SLC24A3: variants seen among roughly 807,000 people sequenced by gnomAD.
SLC24A3 encodes the protein solute carrier family 24 member 3, also known as sodium/potassium/calcium exchanger 3.
SLC24A3 carries 28 observed loss-of-function variants against 75.8 expected under a neutral mutation model. The ratio of observed to expected loss-of-function variants is 0.37; its 90% CI spans 0.27 to 0.51. The LOEUF (loss-of-function observed/expected upper bound fraction) is 0.51. SLC24A3 is among the 20% of genes least tolerant of loss of function. SLC24A3 has a pLI of 0.94. For missense variants in SLC24A3, 663 were observed against 847.8 expected (o/e 0.78, Z 2.71); for synonymous variants, 372 against 334.1 (o/e 1.11, Z -1.24).
In SLC24A3 at chr20:19,298,991, C is replaced by A. The variant is rs185746732; in HGVS notation, c.271+17904C>A. Among the ~76,000 whole-genome samples the A allele has an allele frequency of 2.9e-3, 438 of 152,268 alleles. 3 individuals are homozygous for A. Among genetic ancestry groups the A allele is most frequent in the African/African-American group, 9.7e-3 (402 of 41,554 alleles). On this transcript the variant is annotated intron_variant, in intron 2 of 16. Transcript: ENST00000328041. ...AAGCAGTCCCCATGGCCGAAGACAG[C>A]CTTCAGGTAAAAGACTGCAGGTGCT...
intron 2 of SLC24A3, among the ~76,000 whole-genome samples, chr20:19,421,869 C>T (rs1986923928): frequency 1.3e-5 from 2 of 152,184 alleles, no homozygotes; most frequent in Admixed American, 1.3e-4. Flanking sequence ...GCCTCCACCC[C>T]AGTGGCACAG....
intron 6 of SLC24A3, 70 bp from the exon 7 acceptor site, chr20:19,653,992 C>T (rs2032236407): frequency 3.7e-6 from 5 of 1,363,554 alleles, no homozygotes; most frequent in Admixed American, 1.8e-5. Flanking sequence ...GCTGGCTAAA[C>T]CTGCAAGAGT....
intron 6 of SLC24A3, among the ~76,000 whole-genome samples, chr20:19,647,253 C>A (rs968969231): frequency 6.6e-6 from 1 of 152,156 alleles, no homozygotes; most frequent in Non-Finnish European, 1.5e-5. Flanking sequence ...TTCCTTCCAC[C>A]GCCTGCCTCA....
At chr20:19,381,877 T>TA (rs1166010443) in intron 2 of SLC24A3, among the ~76,000 whole-genome samples, 5 of 152,170 alleles carry the variant, frequency 3.3e-5, no homozygotes, top group Admixed American at 6.5e-5. Context: ...ACATGGTGAC[T>TA]GGAGGGGCAG....
At chr20:19,571,694 C>T (rs773671456) in intron 3 of SLC24A3, among the ~76,000 whole-genome samples, 4 of 152,142 alleles carry the variant, frequency 2.6e-5, no homozygotes, top group Non-Finnish European at 5.9e-5. Context: ...CACATATGCT[C>T]GTTTCCCTTG....
intron 2 of SLC24A3, among the ~76,000 whole-genome samples, chr20:19,417,928 T>G (rs753787456): frequency 6.6e-6 from 1 of 151,774 alleles, no homozygotes; most frequent in Non-Finnish European, 1.5e-5. Flanking sequence ...GTTGGAGGAG[T>G]GGAGGAGTCC....
chr20:19,282,505 G>T (rs1357278278), intron 2 of SLC24A3, among the ~76,000 whole-genome samples: 4 of 152,250 alleles, frequency 2.6e-5, no homozygotes, highest in African/African-American at 9.6e-5. Context: ...TGAACCACGT[G>T]TACTTTAAGA....
chr20:19,536,261 G>T (rs1204869764), intron 3 of SLC24A3, among the ~76,000 whole-genome samples: 1 of 152,124 alleles, frequency 6.6e-6, no homozygotes, highest in Non-Finnish European at 1.5e-5. Context: ...GAACATATTT[G>T]TAGTCATACA....
chr20:19,288,822 G>C (rs1339716811), intron 2 of SLC24A3, among the ~76,000 whole-genome samples: 2 of 152,218 alleles, frequency 1.3e-5, no homozygotes, highest in Admixed American at 6.5e-5. Context: ...CAGGGGGCCT[G>C]TCGACTGTCT....
intron 2 of SLC24A3, among the ~76,000 whole-genome samples, chr20:19,359,108 T>C (rs781388000): frequency 1.3e-5 from 2 of 152,230 alleles, no homozygotes; most frequent in Non-Finnish European, 2.9e-5. Context: ...TTTGAACACC[T>C]GAATTTACTT....
At chr20:19,449,698 G>A (rs956047904) in intron 2 of SLC24A3, among the ~76,000 whole-genome samples, 1 of 152,136 alleles carries the variant, frequency 6.6e-6, no homozygotes, top group Non-Finnish European at 1.5e-5. Flanking sequence ...GCAAGTCTTG[G>A]ACTTAAACCA....
chr20:19,654,590 T>C (rs1227332207), intron 7 of SLC24A3, among the ~76,000 whole-genome samples: 1 of 149,302 alleles, frequency 6.7e-6, no homozygotes, highest in East Asian at 2.0e-4. Flanking sequence ...GATAAAGAAC[T>C]CTCTACTAGA....
intron 2 of SLC24A3, among the ~76,000 whole-genome samples, chr20:19,320,314 G>A (rs775761312): frequency 1.1e-4 from 16 of 152,148 alleles, no homozygotes; most frequent in Non-Finnish European, 2.2e-4. Flanking sequence ...TAACATGAGG[G>A]GATGCCTGAG....
At chr20:19,295,565 G>T (rs1984038140) in intron 2 of SLC24A3, among the ~76,000 whole-genome samples, 1 of 152,146 alleles carries the variant, frequency 6.6e-6, no homozygotes, top group Non-Finnish European at 1.5e-5. Flanking sequence ...TAACATGAAG[G>T]GATGTTGAAT....
At position 19,274,226 on chromosome 20, in the gene SLC24A3, T is replaced by G. The variant is rs536109852; in HGVS notation, c.143-6733T>G. ...GAGTTGGGGACATTAGAGGGAGACC[T>G]TGACCCAGCCCAAGGGGGTGTTCTC... On this transcript the variant is annotated intron_variant, in intron 1 of 16. Coordinates refer to ENST00000328041, the MANE Select transcript of SLC24A3 (RefSeq NM_020689.4). Among the ~76,000 whole-genome samples, 91 of 151,790 alleles carry G rather than the reference T, an allele frequency of 6.0e-4. 1 individual carries two copies. Among genetic ancestry groups the G allele is most frequent in the Non-Finnish European group, 1.1e-3 (74 of 67,902 alleles).
At chr20:19,364,575 C>T (rs1985851090) in intron 2 of SLC24A3, among the ~76,000 whole-genome samples, 1 of 152,144 alleles carries the variant, frequency 6.6e-6, no homozygotes, top group Non-Finnish European at 1.5e-5. Context: ...CTACTTCAGC[C>T]TCCCGAGTAG....
intron 2 of SLC24A3, among the ~76,000 whole-genome samples, chr20:19,361,503 A>G (rs1311724481): frequency 1.3e-5 from 2 of 152,216 alleles, no homozygotes; most frequent in Admixed American, 1.3e-4. Context: ...TGACTAGGAC[A>G]AGCCCCAAGG....
rs547456995 is a variant in SLC24A3 at position 19,571,043 on chromosome 20, TGTGTG to T, written c.349-8938_349-8934del. Among the ~76,000 whole-genome samples, 17 of 152,088 alleles carry T rather than the reference TGTGTG, an allele frequency of 1.1e-4. No homozygotes were observed. The East Asian group carries it at 2.0e-3, about 17-fold the overall frequency. On this transcript the variant is annotated intron_variant, in intron 3 of 16. Coordinates refer to ENST00000328041, the MANE Select transcript of SLC24A3 (RefSeq NM_020689.4). Reference sequence around the variant, plus strand: ...CAGGCTTGTCCTCTTCCTGGAATGCTGTGTGGTGTGGTGTGGTGTGGTGGTCAGGA... The same window carrying T: ...CAGGCTTGTCCTCTTCCTGGAATGCTGTGTGGTGTGGTGTGGTGGTCAGGA...
intron 6 of SLC24A3, among the ~76,000 whole-genome samples, chr20:19,610,163 C>T (rs1354534327): frequency 6.6e-6 from 1 of 152,078 alleles, no homozygotes; most frequent in African/African-American, 2.4e-5. Flanking sequence ...TCTTCTTCTC[C>T]TTTTCCTTCC....
Sources: gnomAD v4.1 joint callset for allele counts (sites outside exome capture counted in the v4.1 genomes callset) on GRCh38, gnomAD v4.1.1 for gene constraint, MANE v1.5 for transcripts, NCBI Gene and HGNC (gene_info 2026-07-23, HGNC 2026-07-21) for gene names.